ST6GALNAC3: variants seen among roughly 807,000 people sequenced by gnomAD.
ST6GALNAC3 encodes ST6 N-acetylgalactosaminide alpha-2,6-sialyltransferase 3, also known as alpha-N-acetylgalactosaminide alpha-2,6-sialyltransferase 3.
Under a neutral mutation model 32.7 loss-of-function variants are expected in ST6GALNAC3, and 25 were observed. The observed-to-expected ratio is 0.76, with a 90% CI of 0.56 to 1.07. ST6GALNAC3 has a LOEUF of 1.07. Ranked by LOEUF, ST6GALNAC3 falls within the 50% of genes least tolerant of loss-of-function variation. The probability of loss-of-function intolerance (pLI) is 0.00; values close to 1 mark genes in which losing one functional copy is unlikely to be tolerated. For synonymous variants in ST6GALNAC3, 129 were observed against 133.1 expected, an observed-to-expected ratio of 0.97 and a Z score of 0.21; for missense variants, 355 against 382.4, an observed-to-expected ratio of 0.93 and a Z score of 0.60.
At chr1:76,153,168 A>G (rs1010532221) in intron 1 of ST6GALNAC3, among the ~76,000 whole-genome samples, 29 of 152,152 alleles carry the variant, frequency 1.9e-4, no homozygotes, top group Admixed American at 1.7e-3. Context: ...CCCTTCTGAT[A>G]GGTGGAAAAT....
intron 1 of ST6GALNAC3, among the ~76,000 whole-genome samples, chr1:76,223,493 A>G (rs1655897077): frequency 6.6e-6 from 1 of 152,102 alleles, no homozygotes; most frequent in Non-Finnish European, 1.5e-5. Flanking sequence ...TAATCTGTAC[A>G]CCAAAACCCT....
intron 1 of ST6GALNAC3, among the ~76,000 whole-genome samples, chr1:76,086,851 G>A (rs1646971977): frequency 6.6e-6 from 1 of 152,170 alleles, no homozygotes; most frequent in African/African-American, 2.4e-5. Flanking sequence ...CCTGGAGGCT[G>A]ACTACACTAC....
At chr1:76,616,154 A>G (rs928891265) in intron 3 of ST6GALNAC3, among the ~76,000 whole-genome samples, 4 of 152,208 alleles carry the variant, frequency 2.6e-5, no homozygotes, top group Non-Finnish European at 5.9e-5. Context: ...TGCCAGCCGA[A>G]CTGTGTAGCA....
chr1:76,630,429 G>T lies in ST6GALNAC3; in HGVS notation c.*1623G>T, dbSNP rs914705740. The T allele has an allele frequency of 1.0e-6, 1 of 985,022 alleles. No individual in the cohort carries two copies. The highest frequency in any genetic ancestry group is 1.2e-6 in the Non-Finnish European group (1 of 829,824). The allele number at this position is 985,022 out of a possible 1,614,324, so 61.0% of individuals were successfully genotyped here. ...ATATAGTTTCCTTTCCTAGGATTGA[G>T]ACAATTCTATTTTTCATATACTCGT... On this transcript the variant is annotated 3_prime_UTR_variant, in exon 5 of 5. Transcript: ENST00000328299.
Position 76,256,601 on chromosome 1 carries a change from G to T in ST6GALNAC3, c.19-57204G>T, listed in dbSNP as rs371202135. 2.1e-4 allele frequency among the ~76,000 whole-genome samples: 32 copies of T among 150,918 alleles called. No individual in the cohort carries two copies. In the South Asian group the frequency reaches 4.2e-3, roughly 20 times the overall value. On this transcript the variant is annotated intron_variant, in intron 1 of 4. Transcript: ENST00000328299. ...TAGAATTCATGTGATTAGATTAGAG[G>T]TTTTTAAAAAGTAATATTTGAATTT...
At chr1:76,477,072 T>C (rs1450813288) in intron 3 of ST6GALNAC3, among the ~76,000 whole-genome samples, 1 of 152,144 alleles carries the variant, frequency 6.6e-6, no homozygotes, top group Non-Finnish European at 1.5e-5. Context: ...TGGCATCTTT[T>C]CCCCCTTTAC....
At chr1:76,529,987 T>C (rs1446453283) in intron 3 of ST6GALNAC3, among the ~76,000 whole-genome samples, 1 of 152,192 alleles carries the variant, frequency 6.6e-6, no homozygotes, top group Non-Finnish European at 1.5e-5. Context: ...ACACTGGCCT[T>C]GGCTGGTTTC....
intron 1 of ST6GALNAC3, among the ~76,000 whole-genome samples, chr1:76,276,218 T>C (rs1185149628): frequency 6.6e-6 from 1 of 151,544 alleles, no homozygotes; most frequent in East Asian, 1.9e-4. Flanking sequence ...ATTTAAGATA[T>C]ATGAAGAAAA....
At chr1:76,380,361 G>T (rs6677296) in intron 2 of ST6GALNAC3, among the ~76,000 whole-genome samples, 43,892 of 152,026 alleles carry the variant, frequency 0.29, 7,651 homozygotes, top group East Asian at 0.6. Flanking sequence ...GACAGTGCCG[G>T]TGTGAGTGTA....
intron 1 of ST6GALNAC3, among the ~76,000 whole-genome samples, chr1:76,291,177 G>T (rs767393972): frequency 2.0e-4 from 31 of 152,342 alleles, no homozygotes; most frequent in Admixed American, 5.9e-4. Context: ...AAATTTCAGA[G>T]AATCCAAGCT....
At chr1:76,400,209 T>C (rs1232786545) in intron 2 of ST6GALNAC3, among the ~76,000 whole-genome samples, 1 of 152,210 alleles carries the variant, frequency 6.6e-6, no homozygotes, top group Admixed American at 6.5e-5. Context: ...CCTTGTTGTT[T>C]TCCTTAAATA....
intron 3 of ST6GALNAC3, among the ~76,000 whole-genome samples, chr1:76,623,992 T>A (rs1648807210): frequency 6.6e-6 from 1 of 151,900 alleles, no homozygotes; most frequent in South Asian, 2.1e-4. Flanking sequence ...TCCAAATAGT[T>A]AGAGAAAAGA....
chr1:76,169,658 C>T (rs1413416054), intron 1 of ST6GALNAC3, among the ~76,000 whole-genome samples: 1 of 152,086 alleles, frequency 6.6e-6, no homozygotes, highest in Admixed American at 6.6e-5. Context: ...CATTCATTTT[C>T]ATTATTTTTC....
chr1:76,262,302 C>G (rs114892493), intron 1 of ST6GALNAC3, among the ~76,000 whole-genome samples: 4,265 of 152,262 alleles, frequency 0.028, 207 homozygotes, highest in African/African-American at 0.097. Context: ...AGTACTCCAA[C>G]CCAGCTCTGC....
At chr1:76,486,379 A>C (rs1486510592) in intron 3 of ST6GALNAC3, among the ~76,000 whole-genome samples, 1 of 152,020 alleles carries the variant, frequency 6.6e-6, no homozygotes, top group Non-Finnish European at 1.5e-5. Flanking sequence ...GTAGGTCTCT[A>C]AGGACTTGCT....
rs189372685 is a variant in ST6GALNAC3, at chr1:76,275,739, A to G, written c.19-38066A>G. 3.9e-5 allele frequency among the ~76,000 whole-genome samples: 6 copies of G among 152,282 alleles called. No individual in the cohort carries two copies. In the East Asian group the frequency reaches 1.2e-3, roughly 29 times the overall value. ...TAATTGATGGCTAGTATTTAAGAAC[A>G]TTATCTCCCTTCTGTATTATGTATT... On this transcript the variant is annotated intron_variant, in intron 1 of 4. Transcript: ENST00000328299.
chr1:76,436,808 C>G (rs971708124), intron 3 of ST6GALNAC3, among the ~76,000 whole-genome samples: 1 of 152,048 alleles, frequency 6.6e-6, no homozygotes, highest in Non-Finnish European at 1.5e-5. Context: ...AAGTAGAGTC[C>G]AAACTTAGCT....
chr1:76,498,545 G>C (rs567123849), intron 3 of ST6GALNAC3, among the ~76,000 whole-genome samples: 1 of 152,232 alleles, frequency 6.6e-6, no homozygotes, highest in East Asian at 1.9e-4. Flanking sequence ...TGATTTAGTT[G>C]ATCCTGCAAA....
At chr1:76,337,461 A>G (rs1647593513) in intron 2 of ST6GALNAC3, among the ~76,000 whole-genome samples, 1 of 152,120 alleles carries the variant, frequency 6.6e-6, no homozygotes, top group Non-Finnish European at 1.5e-5. Flanking sequence ...TGTGTGTGTG[A>G]GGTGTCCCAG....
Sources: gnomAD v4.1 joint callset for allele counts (sites outside exome capture counted in the v4.1 genomes callset) on GRCh38, gnomAD v4.1.1 for gene constraint, MANE v1.5 for transcripts, NCBI Gene and HGNC (gene_info 2026-07-23, HGNC 2026-07-21) for gene names.